The following ABCC8 variants were observed in gnomAD, a reference collection of about 807,000 sequenced individuals.
ABCC8 encodes the protein ATP-binding cassette sub-family C member 8.
Under a neutral mutation model 188.0 loss-of-function variants are expected in ABCC8, and 137 were observed. That is an observed-to-expected ratio of 0.73 (90% confidence interval 0.63 to 0.84). The LOEUF is 0.84. ABCC8 is among the 40% of genes least tolerant of loss of function. ABCC8 has a pLI of 0.00. For missense variants in ABCC8, 1,750 were observed against 2,072.7 expected (o/e 0.84, Z 3.02); for synonymous variants, 797 against 846.5 (o/e 0.94, Z 1.01).
intron 8 of ABCC8, among the ~76,000 whole-genome samples, chr11:17,445,218 C>A (rs1176574764): frequency 6.6e-6 from 1 of 152,184 alleles, no homozygotes; most frequent in Non-Finnish European, 1.5e-5. Flanking sequence ...ACCCATGAAG[C>A]CCCTGAAATT....
intron 16 of ABCC8, among the ~76,000 whole-genome samples, chr11:17,418,067 T>C (rs1345530134): frequency 6.6e-6 from 1 of 152,168 alleles, no homozygotes. Flanking sequence ...CAGTATTGTC[T>C]CTTTATAAAG....
chr11:17,446,969 T>C (rs916767818), intron 8 of ABCC8, among the ~76,000 whole-genome samples: 16 of 152,238 alleles, frequency 1.1e-4, no homozygotes, highest in Non-Finnish European at 5.9e-5. Context: ...TAGAGGGATC[T>C]GATATTTACG....
At chr11:17,459,272 T>A (rs1957100317) in intron 6 of ABCC8, among the ~76,000 whole-genome samples, 1 of 152,228 alleles carries the variant, frequency 6.6e-6, no homozygotes, top group African/African-American at 2.4e-5. Context: ...GGATAACTCC[T>A]GCACACAGCC....
chr11:17,443,561 A>T, intron 8 of ABCC8: 1 of 517,930 alleles, frequency 1.9e-6, no homozygotes, highest in Non-Finnish European at 3.5e-6. Context: ...TTTATCTGCA[A>T]GGCTGGTTGA....
At chr11:17,435,715 G>A (rs1297904253) in intron 10 of ABCC8, 5 of 1,376,580 alleles carry the variant, frequency 3.6e-6, no homozygotes, top group Middle Eastern at 3.6e-4. Flanking sequence ...AGTAAGAACC[G>A]GGACAACCAC....
Position 17,394,266 on chromosome 11 carries a change from C to T in ABCC8, c.4545G>A (p.Thr1515=), listed in dbSNP as rs372388771. The T allele has an allele frequency of 2.9e-5, 47 of 1,613,672 alleles. No homozygotes were observed. Among genetic ancestry groups the T allele is most frequent in the African/African-American group, 6.7e-5 (5 of 74,934 alleles). The change falls in exon 37 of 39, where the codon ACG becomes ACA. Residue 1515 remains threonine (T), a splice_region_variant and synonymous_variant. Transcript: ENST00000389817. ...DEATASIDMA[T]ENILQKVVMT... ...TCCCATGGAGGGGCCCAGGACCAAC[C>T]GTGGCCATGTCAATGGAAGCCGTGG... is the stretch of plus-strand genomic sequence containing the variant.
chr11:17,433,768 T>C (rs1288099445), intron 10 of ABCC8, among the ~76,000 whole-genome samples: 1 of 152,210 alleles, frequency 6.6e-6, no homozygotes, highest in African/African-American at 2.4e-5. Flanking sequence ...CTGGAGGATG[T>C]ATGGCTGGAG....
chr11:17,425,828 C>T (rs939491570), intron 16 of ABCC8, among the ~76,000 whole-genome samples: 2 of 151,968 alleles, frequency 1.3e-5, no homozygotes, highest in Non-Finnish European at 2.9e-5. Flanking sequence ...AATGCTATCC[C>T]TCCCCTTGCC....
chr11:17,434,465 G>T (rs1026286167), intron 10 of ABCC8, among the ~76,000 whole-genome samples: 7 of 152,154 alleles, frequency 4.6e-5, no homozygotes, highest in Admixed American at 3.9e-4. Context: ...CAGCAAGATG[G>T]TATTAGCTGC....
intron 3 of ABCC8, among the ~76,000 whole-genome samples, chr11:17,469,567 C>T (rs957949288): frequency 4.6e-5 from 7 of 152,104 alleles, no homozygotes; most frequent in African/African-American, 1.7e-4. Context: ...ACCTCCCCCT[C>T]CTCTGTCACA....
chr11:17,457,044 C>A (rs748568418), intron 6 of ABCC8, among the ~76,000 whole-genome samples: 1 of 152,082 alleles, frequency 6.6e-6, no homozygotes, highest in Non-Finnish European at 1.5e-5. Flanking sequence ...GGTGAAGGCT[C>A]CCTGGAGCAG....
chr11:17,442,829 C>A lies in ABCC8; in HGVS notation c.1521G>T (p.Lys507Asn), dbSNP rs1415631762. ...TCTCCCAGGCGTACAGCTTCAGCAG[C>A]TTGATGCCGCGGAGCATCTCGTTGG... ...KQTNEMLRGI[K>N]LLKLYAWENI... Residue 507 changes from lysine to asparagine, a missense_variant, in exon 10 of 39, where the codon AAG becomes AAT. By Grantham distance (94) the Lys-to-Asn change is moderately conservative (BLOSUM62 0). Transcript: ENST00000389817. The A allele has an allele frequency of 6.2e-7, 1 of 1,614,118 alleles. No homozygotes were observed.
chr11:17,461,382 C>G, intron 5 of ABCC8: 1 of 678,010 alleles, frequency 1.5e-6, no homozygotes, highest in Non-Finnish European at 2.5e-6. Flanking sequence ...AGGGCCATTC[C>G]AACTGTGCCT....
chr11:17,450,520 G>T (rs1397207577), intron 7 of ABCC8, among the ~76,000 whole-genome samples: 1 of 146,380 alleles, frequency 6.8e-6, no homozygotes, highest in East Asian at 2.0e-4. Context: ...TCAGCCTCCC[G>T]AGTAGCTGGG....
chr11:17,443,252 C>T lies in ABCC8; in HGVS notation c.1393G>A (p.Ala465Thr), dbSNP rs1326850095. The T allele has an allele frequency of 8.7e-6, 14 of 1,614,006 alleles. No individual in the cohort carries two copies. The highest frequency in any genetic ancestry group is 1.1e-5 in the South Asian group (1 of 91,076). Residue 465 changes from alanine to threonine, a missense_variant, in exon 9 of 39, where the codon GCT (alanine) becomes ACT (threonine). Transcript: ENST00000389817. Reference protein sequence around the residue: ...ILGVSALIGAAVIILLAPVQY... With the variant: ...ILGVSALIGATVIILLAPVQY... ...ACAGGAGCCAGTAGAATGATGACAGCTGCTCCAATTAAGGCACTGACTCCG... is the reference window on the plus strand; with the variant it reads ...ACAGGAGCCAGTAGAATGATGACAGTTGCTCCAATTAAGGCACTGACTCCG...
At chr11:17,435,625 G>A in intron 10 of ABCC8, 1 of 1,399,068 alleles carries the variant, frequency 7.1e-7, no homozygotes, top group South Asian at 1.2e-5. Context: ...AGAAAGATGG[G>A]TGAATGTAAT....
chr11:17,472,383 A>T (rs1031601286), intron 2 of ABCC8, among the ~76,000 whole-genome samples: 2 of 152,178 alleles, frequency 1.3e-5, no homozygotes, highest in African/African-American at 4.8e-5. Flanking sequence ...TCAGAACATC[A>T]CAGAAAGAAA....
At chr11:17,396,853 C>T (rs977806412) in intron 33 of ABCC8, 63 bp downstream of exon 33, 15 of 1,597,206 alleles carry the variant, frequency 9.4e-6, no homozygotes, top group Middle Eastern at 1.7e-4. Flanking sequence ...CATCCAGCTC[C>T]GTGCATGCCC....
intron 33 of ABCC8, 72 bp from the exon 34 acceptor site, chr11:17,396,002 G>GGT (rs1953907917): frequency 6.5e-7 from 1 of 1,548,032 alleles, no homozygotes; most frequent in Non-Finnish European, 8.7e-7. Flanking sequence ...GCTAGCTCTG[G>GGT]GTGTGTGTGC....
Sources: gnomAD v4.1 joint callset for allele counts (sites outside exome capture counted in the v4.1 genomes callset) on GRCh38, gnomAD v4.1.1 for gene constraint, MANE v1.5 for transcripts, NCBI Gene and HGNC (gene_info 2026-07-23, HGNC 2026-07-21) for gene names.